ADRA1D: variants seen among roughly 807,000 people sequenced by gnomAD.
ADRA1D encodes adrenoceptor alpha 1D.
Under a neutral mutation model 18.6 loss-of-function variants are expected in ADRA1D, and 22 were observed. The observed-to-expected ratio is 1.19, with a 90% CI of 0.85 to 1.69. ADRA1D has a LOEUF of 1.69. ADRA1D is among the 40% of genes most tolerant of loss of function. The pLI, the probability that ADRA1D is intolerant of heterozygous loss-of-function variation, is 0.00. For synonymous variants in ADRA1D, 376 were observed against 388.2 expected (o/e 0.97, Z 0.37); for missense variants, 840 against 840.7 (o/e 1.00, Z 0.01).
At chr20:4,240,957 T>C (rs561617074) in intron 1 of ADRA1D, among the ~76,000 whole-genome samples, 3 of 152,310 alleles carry the variant, frequency 2.0e-5, no homozygotes, top group Admixed American at 6.5e-5. Context: ...AAACTTTCCA[T>C]GTTAAAAACA....
chr20:4,245,620 A>G (rs1981318242), intron 1 of ADRA1D, among the ~76,000 whole-genome samples: 1 of 152,186 alleles, frequency 6.6e-6, no homozygotes, highest in African/African-American at 2.4e-5. Context: ...CATTAAGCTA[A>G]AATTTTAAAG....
chr20:4,246,947 C>G (rs143027849), intron 1 of ADRA1D, among the ~76,000 whole-genome samples: 2 of 152,256 alleles, frequency 1.3e-5, no homozygotes, highest in East Asian at 3.9e-4. Flanking sequence ...AGAGAAGGCC[C>G]GGCTTGGGCC....
In ADRA1D at chr20:4,247,838, G is replaced by GT; in HGVS notation, c.1111+8dup. On this transcript the variant is annotated intron_variant, in intron 1 of 1. Coordinates refer to ENST00000379453, the MANE Select transcript of ADRA1D (RefSeq NM_000678.4). ...AACAGGAGGGGCCGGTGGGAGAGGG[G>GT]TCACTCACCGAGCGGCAGGACAAAG... is the stretch of plus-strand genomic sequence containing the variant. The GT allele has an allele frequency of 6.6e-7, 1 of 1,522,910 alleles. No homozygotes were observed. The highest frequency in any genetic ancestry group is 8.8e-7 in the Non-Finnish European group (1 of 1,135,998). 94.3% of individuals were successfully genotyped at this position (1,522,910 alleles called of 1,614,324 possible).
chr20:4,222,511 T>G lies in ADRA1D; in HGVS notation c.1112-381A>C. 1 of 161,558 alleles carries G rather than the reference T, an allele frequency of 6.2e-6. No individual in the cohort carries two copies. Among genetic ancestry groups the G allele is most frequent in the Non-Finnish European group, 1.3e-5 (1 of 74,404 alleles). 10.0% of individuals were successfully genotyped at this position (161,558 alleles called of 1,614,324 possible). On this transcript the variant is annotated intron_variant, in intron 1 of 1. Coordinates refer to ENST00000379453, the MANE Select transcript of ADRA1D (RefSeq NM_000678.4). The surrounding 1 kb of genome is among the most constrained non-coding windows in gnomAD (Gnocchi z 4.3). ...TGCGTGCCAGCATAATTTCACAAAGTCCCCGACTCTGTGACAAAGTACGGC... is the reference window on the plus strand; with the variant it reads ...TGCGTGCCAGCATAATTTCACAAAGGCCCCGACTCTGTGACAAAGTACGGC...
chr20:4,230,158 G>A (rs1980920859), intron 1 of ADRA1D, among the ~76,000 whole-genome samples: 1 of 152,154 alleles, frequency 6.6e-6, no homozygotes, highest in African/African-American at 2.4e-5. Context: ...CTAACCCTGT[G>A]CTCCCTGTCT....
At chr20:4,234,527 A>G (rs1981044700) in intron 1 of ADRA1D, among the ~76,000 whole-genome samples, 1 of 152,090 alleles carries the variant, frequency 6.6e-6, no homozygotes, top group Non-Finnish European at 1.5e-5. Context: ...CAGGAGTAAA[A>G]ATACCCCATC....
chr20:4,232,272 T>C (rs932902784), intron 1 of ADRA1D, among the ~76,000 whole-genome samples: 1 of 152,210 alleles, frequency 6.6e-6, no homozygotes, highest in Non-Finnish European at 1.5e-5. Context: ...CCTCTCTCCA[T>C]AGGGGGCATT....
In ADRA1D at chr20:4,248,792, C is replaced by G. The variant is rs1292224613; in HGVS notation, c.166G>C (p.Val56Leu). 11 of 1,156,894 alleles carry G rather than the reference C, an allele frequency of 9.5e-6. No homozygotes were observed. The highest frequency in any genetic ancestry group is 1.1e-5 in the Non-Finnish European group (10 of 940,648). The allele number at this position is 1,156,894 out of a possible 1,614,324, so 71.7% of individuals were successfully genotyped here. The change falls in exon 1 of 2, where the codon GTG (valine) becomes CTG (leucine). Residue 56 changes from valine (V) to leucine (L), a missense_variant. Coordinates refer to ENST00000379453, the MANE Select transcript of ADRA1D (RefSeq NM_000678.4). ...VPGGAGGGGG[V>L]VGAGSGEDNR... ...TCCTCGCCGCTGCCTGCGCCCACCACGCCGCCGCCGCCGCCCGCGCCCCCC... is the reference window on the plus strand; with the variant it reads ...TCCTCGCCGCTGCCTGCGCCCACCAGGCCGCCGCCGCCGCCCGCGCCCCCC...
In ADRA1D at chr20:4,222,007, G is replaced by GCGCGCTTGAACTC; in HGVS notation, c.1222_1234dup (p.Ala412GlyfsTer181). On this transcript the variant is annotated frameshift_variant, in exon 2 of 2. Transcript: ENST00000379453. LOFTEE classifies it low-confidence loss of function (END_TRUNC). This position sits in a 1 kb window ranked among gnomAD's most constrained non-coding sequence, Gnocchi z 4.3. ...CTGGCAGCGCAGGAGACGGAGGAAG[G>GCGCGCTTGAACTC]CGCGCTTGAACTCGCGGCTGGAACA... is the stretch of plus-strand genomic sequence containing the variant. 6.3e-7 allele frequency: 1 copy of GCGCGCTTGAACTC among 1,595,830 alleles called. No individual in the cohort carries two copies. The highest frequency in any genetic ancestry group is 2.3e-5 in the East Asian group (1 of 43,708).
At chr20:4,232,256 C>A (rs1010290442) in intron 1 of ADRA1D, among the ~76,000 whole-genome samples, 2 of 152,214 alleles carry the variant, frequency 1.3e-5, no homozygotes, top group African/African-American at 4.8e-5. Context: ...GGAGGCTAGT[C>A]CTCCTCCTCT....
rs140950866 is a variant in ADRA1D, at chr20:4,230,748, T to G, written c.1112-8618A>C. On this transcript the variant is annotated intron_variant, in intron 1 of 1. Transcript: ENST00000379453. ...GGCCAGTGCTGTCTTTGTCCTGCCTTCCTCCAAATTCAGCCACGTTAAGCC... is the reference window on the plus strand; with the variant it reads ...GGCCAGTGCTGTCTTTGTCCTGCCTGCCTCCAAATTCAGCCACGTTAAGCC... Among the ~76,000 whole-genome samples the G allele has an allele frequency of 1.0e-3, 155 of 152,332 alleles. 3 individuals are homozygous for G. Among genetic ancestry groups the G allele is most frequent in the African/African-American group, 3.5e-3 (147 of 41,580 alleles).
intron 1 of ADRA1D, among the ~76,000 whole-genome samples, chr20:4,231,097 C>CT (rs11482086): frequency 0.39 from 29,260 of 74,738 alleles, 4,276 homozygotes; most frequent in East Asian, 0.69. Flanking sequence ...CTTTTCTTTT[C>CT]TTTCTTTCTT....
intron 1 of ADRA1D, among the ~76,000 whole-genome samples, chr20:4,245,204 G>A (rs1981306626): frequency 6.6e-6 from 1 of 152,216 alleles, no homozygotes; most frequent in Non-Finnish European, 1.5e-5. Context: ...TCAACGCACT[G>A]TGGAATACTC....
Position 4,233,873 on chromosome 20 carries a change from A to C in ADRA1D, c.1112-11743T>G, listed in dbSNP as rs536637233. Among the ~76,000 whole-genome samples, 8 of 152,318 alleles carry C rather than the reference A, an allele frequency of 5.3e-5. No individual in the cohort carries two copies. The East Asian group carries it at 1.5e-3, about 29-fold the overall frequency. On this transcript the variant is annotated intron_variant, in intron 1 of 1. Coordinates refer to ENST00000379453, the MANE Select transcript of ADRA1D (RefSeq NM_000678.4). ...ACGCAGGGAGGAGATGACCAAAAACAGAACTCCTGCCCGCTCCTCTCTGTT... is the reference window on the plus strand; with the variant it reads ...ACGCAGGGAGGAGATGACCAAAAACCGAACTCCTGCCCGCTCCTCTCTGTT...
At chr20:4,247,389 C>T (rs1294276235) in intron 1 of ADRA1D, among the ~76,000 whole-genome samples, 1 of 152,076 alleles carries the variant, frequency 6.6e-6, no homozygotes, top group African/African-American at 2.4e-5. Flanking sequence ...TGGGGAAAAG[C>T]GGGTGGCTTC....
chr20:4,228,317 C>T (rs900134570), intron 1 of ADRA1D, among the ~76,000 whole-genome samples: 2 of 152,170 alleles, frequency 1.3e-5, no homozygotes, highest in Non-Finnish European at 2.9e-5. Context: ...GATCTAGGCT[C>T]CTGTCCTCTG....
intron 1 of ADRA1D, among the ~76,000 whole-genome samples, chr20:4,231,965 T>A (rs1237846659): frequency 6.6e-6 from 1 of 151,996 alleles, no homozygotes; most frequent in Non-Finnish European, 1.5e-5. Flanking sequence ...CAGGCTGGAG[T>A]GCAATGGCGT....
At position 4,225,844 on chromosome 20, in the gene ADRA1D, G is replaced by C. The variant is rs181572453; in HGVS notation, c.1112-3714C>G. On this transcript the variant is annotated intron_variant, in intron 1 of 1. Transcript: ENST00000379453. ...GCAGCTGAGACCTAGTGGGTTTTAG[G>C]GGCCACTGGCGCATTAGTCAGGATG... is the stretch of plus-strand genomic sequence containing the variant. Among the ~76,000 whole-genome samples, 149 of 152,254 alleles carry C rather than the reference G, an allele frequency of 9.8e-4. 2 individuals carry two copies. The highest frequency in any genetic ancestry group is 7.7e-3 in the Admixed American group (117 of 15,282).
chr20:4,225,426 T>TTA (rs1980772530), intron 1 of ADRA1D, among the ~76,000 whole-genome samples: 1 of 89,932 alleles, frequency 1.1e-5, no homozygotes, highest in Non-Finnish European at 2.3e-5. Flanking sequence ...TTTTTTTTCT[T>TTA]TCTTTTTTTT....
Sources: gnomAD v4.1 joint callset for allele counts (sites outside exome capture counted in the v4.1 genomes callset) on GRCh38, gnomAD v4.1.1 for gene constraint, Gnocchi (gnomAD v3.1) non-coding constraint, MANE v1.5 for transcripts, NCBI Gene and HGNC (gene_info 2026-07-23, HGNC 2026-07-21) for gene names.